Variants in ROCK2 observed in about 807,000 individuals in gnomAD.
The protein encoded by ROCK2 is rho-associated protein kinase 2.
ROCK2 carries 61 observed loss-of-function variants against 195.1 expected under a neutral mutation model. That is an observed-to-expected ratio of 0.31 (90% CI 0.25 to 0.39). ROCK2 has a LOEUF of 0.39. Among genes scored for constraint, ROCK2 ranks in the 10% least tolerant of loss-of-function variants. The pLI is 1.00. For synonymous variants in ROCK2, 504 were observed against 545.5 expected, an observed-to-expected ratio of 0.92 and a Z score of 1.06; for missense variants, 1,109 against 1,637.4, an observed-to-expected ratio of 0.68 and a Z score of 5.57.
chr2:11,186,537 C>T (rs1010692003), intron 32 of ROCK2, among the ~76,000 whole-genome samples: 11 of 152,164 alleles, frequency 7.2e-5, no homozygotes, highest in Admixed American at 5.2e-4. Context: ...TTATTTTCTT[C>T]GTTTTCATTG....
At chr2:11,184,729 C>G in intron 32 of ROCK2, 1 of 984,592 alleles carries the variant, frequency 1.0e-6, no homozygotes, top group Middle Eastern at 5.2e-4. Context: ...TCAACATCAT[C>G]AAATGACCAA....
Position 11,241,080 on chromosome 2 carries a change from T to C in ROCK2, c.463-5118A>G, listed in dbSNP as rs1386389641. Among the ~76,000 whole-genome samples, 4 of 152,200 alleles carry C rather than the reference T, an allele frequency of 2.6e-5. No individual in the cohort carries two copies. The East Asian group carries it at 5.8e-4, about 22-fold the overall frequency. ...TGGAAAAAACCTGAATGTCCATTAA[T>C]AGATGAACAGATAAATTGTCACATC... On this transcript the variant is annotated intron_variant, in intron 4 of 32. Transcript: ENST00000315872.
At chr2:11,336,575 T>C (rs778542349) in intron 1 of ROCK2, among the ~76,000 whole-genome samples, 6 of 152,328 alleles carry the variant, frequency 3.9e-5, no homozygotes, top group Middle Eastern at 3.4e-3. Context: ...GAATTGAGCA[T>C]GGGTTAAACA....
chr2:11,333,931 T>C (rs887354179), intron 1 of ROCK2, among the ~76,000 whole-genome samples: 1 of 152,172 alleles, frequency 6.6e-6, no homozygotes, highest in Admixed American at 6.5e-5. Context: ...GAGGTATCTT[T>C]ACTTCACCTA....
chr2:11,195,360 C>T (rs1572226490), intron 27 of ROCK2: 1 of 164,476 alleles, frequency 6.1e-6, no homozygotes, highest in Non-Finnish European at 1.3e-5. Context: ...TCTATTCTCA[C>T]TGGTACACCT....
intron 1 of ROCK2, among the ~76,000 whole-genome samples, chr2:11,299,797 T>C (rs1474276450): frequency 6.6e-6 from 1 of 152,186 alleles, no homozygotes; most frequent in Admixed American, 6.5e-5. Flanking sequence ...AAAGTAAAAA[T>C]GTTCTTCTCA....
intron 1 of ROCK2, among the ~76,000 whole-genome samples, chr2:11,338,652 G>A (rs1342537907): frequency 2.6e-5 from 4 of 151,956 alleles, no homozygotes; most frequent in Non-Finnish European, 5.9e-5. Context: ...AACACCAAGG[G>A]ACCAGTGTAC....
At chr2:11,188,630 T>A (rs534972380) in intron 32 of ROCK2, among the ~76,000 whole-genome samples, 1 of 139,462 alleles carries the variant, frequency 7.2e-6, no homozygotes, top group South Asian at 2.1e-4. Flanking sequence ...TTTATTTTTT[T>A]ATTTTTATTT....
At chr2:11,289,408 A>C (rs1469944348) in intron 1 of ROCK2, among the ~76,000 whole-genome samples, 1 of 152,212 alleles carries the variant, frequency 6.6e-6, no homozygotes, top group African/African-American at 2.4e-5. Flanking sequence ...AAAATGTAAA[A>C]TCTGAATCAT....
chr2:11,233,120 G>T (rs959156958), intron 5 of ROCK2, among the ~76,000 whole-genome samples: 3 of 152,018 alleles, frequency 2.0e-5, no homozygotes, highest in African/African-American at 7.3e-5. Context: ...AGGCTAAGGA[G>T]GGAGGATCCC....
At chr2:11,319,876 T>G (rs1668347916) in intron 1 of ROCK2, among the ~76,000 whole-genome samples, 1 of 152,186 alleles carries the variant, frequency 6.6e-6, no homozygotes, top group African/African-American at 2.4e-5. Context: ...ATTATCATAA[T>G]AAATTATATT....
At chr2:11,302,416 T>C (rs2148218428) in intron 1 of ROCK2, among the ~76,000 whole-genome samples, 1 of 151,390 alleles carries the variant, frequency 6.6e-6, no homozygotes, top group South Asian at 2.1e-4. Flanking sequence ...CAAGTGATTC[T>C]CTTCCCTCAG....
intron 1 of ROCK2, among the ~76,000 whole-genome samples, chr2:11,311,844 T>C (rs1668045867): frequency 6.6e-6 from 1 of 152,154 alleles, no homozygotes; most frequent in Non-Finnish European, 1.5e-5. Flanking sequence ...ATTAATATGT[T>C]TGAGATATCA....
intron 1 of ROCK2, among the ~76,000 whole-genome samples, chr2:11,334,351 A>G (rs1416454871): frequency 6.6e-6 from 1 of 152,008 alleles, no homozygotes; most frequent in Non-Finnish European, 1.5e-5. Flanking sequence ...TCTCTACTAA[A>G]ACACAAAAAA....
rs575983213 is a variant in ROCK2 at position 11,257,687 on chromosome 2, G to T, written c.325-7889C>A. Among the ~76,000 whole-genome samples the T allele has an allele frequency of 2.1e-4, 32 of 151,332 alleles. 1 individual carries two copies. Among genetic ancestry groups the T allele is most frequent in the African/African-American group, 7.6e-4 (31 of 40,678 alleles). On this transcript the variant is annotated intron_variant, in intron 3 of 32. Transcript: ENST00000315872. ...GGTGACTCGAATCATTAGAGATGGCGGCCCATGGGAAGATCCAGTGTTGCA... is the reference window on the plus strand; with the variant it reads ...GGTGACTCGAATCATTAGAGATGGCTGCCCATGGGAAGATCCAGTGTTGCA...
At chr2:11,317,600 ATATATATATATATTT>A (rs1409044174) in intron 1 of ROCK2, among the ~76,000 whole-genome samples, 21 of 16,594 alleles carry the variant, frequency 1.3e-3, no homozygotes, top group African/African-American at 3.2e-3. Flanking sequence ...ATATATATAT[ATATATATATATATTT>A]TTTTTTTTTT....
At chr2:11,228,502 A>C (rs1664888839) in intron 5 of ROCK2, among the ~76,000 whole-genome samples, 1 of 152,180 alleles carries the variant, frequency 6.6e-6, no homozygotes, top group South Asian at 2.1e-4. Flanking sequence ...TATGGAAATA[A>C]TTGAGCAAAC....
chr2:11,309,357 A>G (rs1667961904), intron 1 of ROCK2, among the ~76,000 whole-genome samples: 1 of 152,168 alleles, frequency 6.6e-6, no homozygotes, highest in Admixed American at 6.5e-5. Context: ...TCCTAGAACC[A>G]GTCTCCCACA....
chr2:11,192,492 T>C lies in ROCK2; in HGVS notation c.3908A>G (p.Asp1303Gly). Residue 1303 changes from aspartate (D) to glycine (G), a missense_variant, in exon 31 of 33, where the codon GAT becomes GGT. Physicochemically the swap from Asp to Gly is moderately conservative, Grantham distance 94. Coordinates refer to ENST00000315872, the MANE Select transcript of ROCK2 (RefSeq NM_004850.5). The surrounding 1 kb of genome is among the most constrained non-coding windows in gnomAD (Gnocchi z 5.0). ...CRRCHIKCHKDHMDKKEEIIA... is the reference protein window; with the variant it reads ...CRRCHIKCHKGHMDKKEEIIA... ...AATCTCCTCCTTTTTGTCCATATGATCTTTATGACACTTAATATGGCAACG... is the reference window on the plus strand; with the variant it reads ...AATCTCCTCCTTTTTGTCCATATGACCTTTATGACACTTAATATGGCAACG... The C allele has an allele frequency of 6.2e-7, 1 of 1,614,140 alleles. No individual in the cohort carries two copies. Among genetic ancestry groups the C allele is most frequent in the East Asian group, 2.2e-5 (1 of 44,882 alleles).
Sources: gnomAD v4.1 joint callset for allele counts (sites outside exome capture counted in the v4.1 genomes callset) on GRCh38, gnomAD v4.1.1 for gene constraint, Gnocchi (gnomAD v3.1) non-coding constraint, MANE v1.5 for transcripts, NCBI Gene and HGNC (gene_info 2026-07-23, HGNC 2026-07-21) for gene names.